Variants in PRKAG2 observed in about 807,000 individuals in gnomAD.
PRKAG2 encodes protein kinase AMP-activated non-catalytic subunit gamma 2, also known as 5'-AMP-activated protein kinase subunit gamma-2.
A neutral mutation model predicts 69.6 loss-of-function variants in PRKAG2; 26 were observed. The observed-to-expected ratio is 0.37, with a 90% confidence interval of 0.27 to 0.52. The LOEUF is 0.52. PRKAG2 is among the 20% of genes least tolerant of loss of function. The probability of loss-of-function intolerance (pLI) is 0.90; values close to 1 mark genes in which losing one functional copy is unlikely to be tolerated. For missense variants in PRKAG2, 557 were observed against 740.0 expected, an observed-to-expected ratio of 0.75 and a Z score of 2.87; for synonymous variants, 293 against 285.0, an observed-to-expected ratio of 1.03 and a Z score of -0.28.
chr7:151,698,659 C>T (rs1396977754), intron 3 of PRKAG2, among the ~76,000 whole-genome samples: 1 of 152,166 alleles, frequency 6.6e-6, no homozygotes, highest in African/African-American at 2.4e-5. Flanking sequence ...GGAGCAGACA[C>T]CAGCACCATG....
intron 7 of PRKAG2, among the ~76,000 whole-genome samples, chr7:151,575,896 C>CAAAAAAAAA (rs397769419): frequency 3.1e-5 from 2 of 63,508 alleles, no homozygotes; most frequent in African/African-American, 5.1e-5. Context: ...AATGAGGCGG[C>CAAAAAAAAA]AAAAAAAAAA....
rs73728234 is a variant in PRKAG2 at position 151,665,223 on chromosome 7, A to G, written c.684+10197T>C. 9.9e-3 allele frequency among the ~76,000 whole-genome samples: 1,514 copies of G among 152,238 alleles called. 25 individuals carry two copies. Among genetic ancestry groups the G allele is most frequent in the African/African-American group, 0.035 (1,453 of 41,546 alleles). On this transcript the variant is annotated intron_variant, in intron 4 of 15. Transcript: ENST00000287878. ...GTGCTCAGTGCCTAGGACAGTGCCA[A>G]GCAGATAGGAAATGACCACTGAACA...
intron 3 of PRKAG2, among the ~76,000 whole-genome samples, chr7:151,709,869 G>A (rs191970624): frequency 3.3e-5 from 5 of 152,080 alleles, no homozygotes; most frequent in African/African-American, 7.2e-5. Flanking sequence ...GACGAGTGAC[G>A]TGAGACTGAC....
chr7:151,736,255 G>T, intron 3 of PRKAG2: 4 of 1,326,458 alleles, frequency 3.0e-6, no homozygotes, highest in Non-Finnish European at 3.9e-6. Context: ...CTGCACCTCC[G>T]GCCACAGCAG....
At chr7:151,643,498 G>T (rs984043463) in intron 4 of PRKAG2, among the ~76,000 whole-genome samples, 2 of 152,114 alleles carry the variant, frequency 1.3e-5, no homozygotes, top group African/African-American at 4.8e-5. Flanking sequence ...TCCTAAATTG[G>T]TGAAAAATTA....
chr7:151,868,240 A>G (rs2080127393), intron 1 of PRKAG2, among the ~76,000 whole-genome samples: 1 of 152,204 alleles, frequency 6.6e-6, no homozygotes, highest in South Asian at 2.1e-4. Context: ...GAAGAAAGAG[A>G]TGAGTGAGAT....
intron 3 of PRKAG2, among the ~76,000 whole-genome samples, chr7:151,754,974 G>C (rs1034900060): frequency 6.6e-6 from 1 of 152,078 alleles, no homozygotes; most frequent in Non-Finnish European, 1.5e-5. Context: ...CTCTGGGATG[G>C]AAATGAGCAT....
chr7:151,750,415 G>A (rs2074586885), intron 3 of PRKAG2, among the ~76,000 whole-genome samples: 1 of 152,136 alleles, frequency 6.6e-6, no homozygotes, highest in Admixed American at 6.5e-5. Flanking sequence ...ATATTATTCA[G>A]GCATAAAAAG....
At chr7:151,825,517 G>A (rs1335715036) in intron 1 of PRKAG2, among the ~76,000 whole-genome samples, 2 of 152,194 alleles carry the variant, frequency 1.3e-5, no homozygotes, top group African/African-American at 4.8e-5. Flanking sequence ...GATTTAACAT[G>A]CACTGGCCGC....
Position 151,814,762 on chromosome 7 carries a change from A to C in PRKAG2, c.115-28221T>G. 2 of 1,231,770 alleles carry C rather than the reference A, an allele frequency of 1.6e-6. No homozygotes were observed. The highest frequency in any genetic ancestry group is 2.0e-6 in the Non-Finnish European group (2 of 987,992). The allele number at this position is 1,231,770 out of a possible 1,614,324, so 76.3% of individuals were successfully genotyped here. A position where few individuals can be genotyped will look rare whatever the true frequency, so the allele number is the denominator to read the frequency against. On this transcript the variant is annotated intron_variant, in intron 1 of 15. Coordinates refer to ENST00000287878, the MANE Select transcript of PRKAG2 (RefSeq NM_016203.4). This position sits in a 1 kb window ranked among gnomAD's most constrained non-coding sequence, Gnocchi z 4.8. ...CGCAGGCAACGGTCTTGGTGGCTGG[A>C]GCTGCTTTGCTGCTCAAAATGCAGG... is the stretch of plus-strand genomic sequence containing the variant.
intron 3 of PRKAG2, chr7:151,735,914 G>A (rs1242751275): frequency 3.6e-5 from 56 of 1,536,326 alleles, no homozygotes; most frequent in Non-Finnish European, 4.8e-5. Context: ...AAGGCCATGA[G>A]GCTCCGACTG....
intron 5 of PRKAG2, among the ~76,000 whole-genome samples, chr7:151,611,531 A>C (rs1818862761): frequency 6.6e-6 from 1 of 152,186 alleles, no homozygotes; most frequent in African/African-American, 2.4e-5. Context: ...TTAAGTGGTA[A>C]AGAGATGGAG....
chr7:151,849,505 G>A (rs1052367789), intron 1 of PRKAG2, among the ~76,000 whole-genome samples: 3 of 152,158 alleles, frequency 2.0e-5, no homozygotes, highest in African/African-American at 4.8e-5. Flanking sequence ...ATTCATTTCT[G>A]GCGGCTGCTG....
At chr7:151,646,366 G>A (rs1241560135) in intron 4 of PRKAG2, among the ~76,000 whole-genome samples, 1 of 152,126 alleles carries the variant, frequency 6.6e-6, no homozygotes, top group African/African-American at 2.4e-5. Context: ...GCAATCTTTT[G>A]TAGTTTTCAC....
At chr7:151,838,739 G>A (rs2151883649) in intron 1 of PRKAG2, among the ~76,000 whole-genome samples, 1 of 151,086 alleles carries the variant, frequency 6.6e-6, no homozygotes, top group African/African-American at 2.4e-5. Context: ...AGAAGGCCAG[G>A]CACAGTGGCT....
intron 1 of PRKAG2, among the ~76,000 whole-genome samples, chr7:151,867,089 G>A (rs2080098304): frequency 6.6e-6 from 1 of 152,192 alleles, no homozygotes; most frequent in African/African-American, 2.4e-5. Flanking sequence ...TTGGAAGGGA[G>A]TGTCAAAGTG....
At chr7:151,678,744 AG>A (rs1295385816) in intron 3 of PRKAG2, among the ~76,000 whole-genome samples, 1 of 152,196 alleles carries the variant, frequency 6.6e-6, no homozygotes, top group African/African-American at 2.4e-5. Flanking sequence ...GGACCACCTG[AG>A]GTTAGGAGTT....
chr7:151,742,903 G>T (rs768210567), intron 3 of PRKAG2, among the ~76,000 whole-genome samples: 1 of 152,186 alleles, frequency 6.6e-6, no homozygotes, highest in Non-Finnish European at 1.5e-5. Flanking sequence ...TGGATCCCAC[G>T]ATTAGAGATG....
intron 3 of PRKAG2, among the ~76,000 whole-genome samples, chr7:151,693,193 C>G (rs1860744): frequency 0.53 from 79,974 of 152,138 alleles, 22,079 homozygotes; most frequent in East Asian, 0.72. Context: ...TTCTCTACAG[C>G]GGCTCTTGGC....
Sources: allele counts gnomAD v4.1 joint callset (sites outside exome capture counted in the v4.1 genomes callset), GRCh38; gene constraint gnomAD v4.1.1; non-coding constraint Gnocchi (gnomAD v3.1); transcripts MANE v1.5; gene names NCBI Gene and HGNC (gene_info 2026-07-23, HGNC 2026-07-21).